NEDD9: variants seen among roughly 807,000 people sequenced by gnomAD.
The protein encoded by NEDD9 is enhancer of filamentation 1.
NEDD9 carries 26 observed loss-of-function variants against 76.6 expected under a neutral mutation model. The observed-to-expected ratio is 0.34, with a 90% confidence interval of 0.25 to 0.47. NEDD9 has a LOEUF of 0.47. NEDD9 is among the 20% of genes least tolerant of loss of function. NEDD9 has a pLI of 1.00. For missense variants in NEDD9, 937 were observed against 1,058.5 expected (o/e 0.89, Z 1.59); for synonymous variants, 392 against 414.2 (o/e 0.95, Z 0.65).
intron 3 of NEDD9, among the ~76,000 whole-genome samples, chr6:11,285,214 T>C (rs1428294678): frequency 6.6e-6 from 1 of 152,218 alleles, no homozygotes; most frequent in Non-Finnish European, 1.5e-5. Context: ...GGGAAATTGA[T>C]CATTTTCCTG....
chr6:11,316,955 G>T lies in NEDD9; in HGVS notation c.-152-10800C>A, dbSNP rs559976256. Among the ~76,000 whole-genome samples, 97 of 152,274 alleles carry T rather than the reference G, an allele frequency of 6.4e-4. 1 individual carries two copies. The highest frequency in any genetic ancestry group is 6.8e-3 in the Middle Eastern group (2 of 294). On this transcript the variant is annotated intron_variant, in intron 2 of 3. Transcript: ENST00000397378. Reference sequence around the variant, plus strand: ...CGGGGGAAATGGTGAATTTGAATGCGGCATGTTAAGTTCCAGTTTCATGTG... The same window carrying T: ...CGGGGGAAATGGTGAATTTGAATGCTGCATGTTAAGTTCCAGTTTCATGTG...
intron 1 of NEDD9, among the ~76,000 whole-genome samples, chr6:11,347,389 TGAG>T (rs1762382682): frequency 6.6e-6 from 1 of 152,068 alleles, no homozygotes; most frequent in Non-Finnish European, 1.5e-5. Flanking sequence ...TCCCAAAAAT[TGAG>T]GAGGAGGGAC....
intron 3 of NEDD9, among the ~76,000 whole-genome samples, chr6:11,256,574 C>T (rs1347573802): frequency 6.6e-6 from 1 of 152,184 alleles, no homozygotes; most frequent in Non-Finnish European, 1.5e-5. Context: ...GATCCTCCCA[C>T]CTCAGCCTCC....
intron 2 of NEDD9, among the ~76,000 whole-genome samples, chr6:11,204,231 C>A (rs917595065): frequency 6.6e-6 from 1 of 152,206 alleles, no homozygotes; most frequent in East Asian, 1.9e-4. Flanking sequence ...CAATGCCCTG[C>A]GGCCTACGCT....
chr6:11,240,048 A>G (rs1167593378), intron 3 of NEDD9, among the ~76,000 whole-genome samples: 1 of 151,496 alleles, frequency 6.6e-6, no homozygotes, highest in African/African-American at 2.4e-5. Flanking sequence ...ATCTCAAAAA[A>G]AAAAAAAAAA....
At position 11,260,057 on chromosome 6, in the gene NEDD9, C is replaced by T. The variant is rs114752238; in HGVS notation, c.12+45935G>A. On this transcript the variant is annotated intron_variant, in intron 3 of 3. Transcript: ENST00000397378. ...AGGGATTCATTCACTTGGCTTATAG[C>T]ATATAGCCTTTCTTTTAAAATACAA... Among the ~76,000 whole-genome samples, 363 of 152,164 alleles carry T rather than the reference C, an allele frequency of 2.4e-3. 1 individual carries two copies. Among genetic ancestry groups the T allele is most frequent in the Non-Finnish European group, 3.6e-3 (244 of 68,008 alleles).
chr6:11,193,002 A>G (rs1409822200), intron 3 of NEDD9, among the ~76,000 whole-genome samples: 1 of 142,550 alleles, frequency 7.0e-6, no homozygotes, highest in Non-Finnish European at 1.5e-5. Flanking sequence ...TTTAAAGTGT[A>G]GTTTAAATTT....
chr6:11,217,527 A>T (rs1758991263), intron 1 of NEDD9, among the ~76,000 whole-genome samples: 1 of 152,254 alleles, frequency 6.6e-6, no homozygotes, highest in South Asian at 2.1e-4. Context: ...GCTGGCAGTT[A>T]GCAGTGCAGC....
chr6:11,259,600 T>C (rs1040132003), intron 3 of NEDD9, among the ~76,000 whole-genome samples: 1 of 152,208 alleles, frequency 6.6e-6, no homozygotes, highest in East Asian at 1.9e-4. Flanking sequence ...ATTTTGTTTG[T>C]ATGCTCTCAA....
intron 1 of NEDD9, among the ~76,000 whole-genome samples, chr6:11,230,634 G>T (rs1442328367): frequency 6.7e-6 from 1 of 148,556 alleles, no homozygotes; most frequent in Non-Finnish European, 1.5e-5. Context: ...TTCAGCTATT[G>T]GTTGATTTAA....
At chr6:11,317,939 C>T (rs1169807546) in intron 2 of NEDD9, among the ~76,000 whole-genome samples, 1 of 152,174 alleles carries the variant, frequency 6.6e-6, no homozygotes, top group Non-Finnish European at 1.5e-5. Context: ...GGGCCTTGTT[C>T]AATCAGTTGA....
chr6:11,204,746 G>C (rs1343335458), intron 2 of NEDD9, among the ~76,000 whole-genome samples: 1 of 136,620 alleles, frequency 7.3e-6, no homozygotes, highest in Admixed American at 7.3e-5. Flanking sequence ...AAGAAAGAAA[G>C]AAAGAAAAGA....
intron 3 of NEDD9, among the ~76,000 whole-genome samples, chr6:11,257,886 A>G (rs761354674): frequency 1.3e-5 from 2 of 151,198 alleles, no homozygotes; most frequent in Non-Finnish European, 1.5e-5. Context: ...TTTGTCCCCT[A>G]CTCATAAGCA....
rs146784681 is a variant in NEDD9 at position 11,248,273 on chromosome 6, T to C, written c.13-34546A>G. On this transcript the variant is annotated intron_variant, in intron 3 of 3. Transcript: ENST00000397378. ...GAAAGCCTTTACCATGTAGAAGTCA[T>C]GTGCCAGATACAGCTAAGTGCGCCA... is the stretch of plus-strand genomic sequence containing the variant. Among the ~76,000 whole-genome samples, 724 of 151,792 alleles carry C rather than the reference T, an allele frequency of 4.8e-3. 2 individuals carry two copies. Among genetic ancestry groups the C allele is most frequent in the African/African-American group, 0.016 (665 of 41,416 alleles).
chr6:11,377,557 A>G (rs1189271367), intron 1 of NEDD9, among the ~76,000 whole-genome samples: 1 of 152,194 alleles, frequency 6.6e-6, no homozygotes, highest in Non-Finnish European at 1.5e-5. Context: ...CCCTTTTGGA[A>G]TGGTAATGTT....
At chr6:11,345,711 T>C (rs1258299195) in intron 1 of NEDD9, among the ~76,000 whole-genome samples, 1 of 152,172 alleles carries the variant, frequency 6.6e-6, no homozygotes, top group African/African-American at 2.4e-5. Flanking sequence ...TCATCAACAC[T>C]GGTAGAGGAC....
At chr6:11,325,061 C>T (rs757548002) in intron 2 of NEDD9, among the ~76,000 whole-genome samples, 4 of 152,226 alleles carry the variant, frequency 2.6e-5, no homozygotes, top group Admixed American at 1.3e-4. Context: ...ATTGATAGAA[C>T]GTGCATGTAT....
intron 2 of NEDD9, among the ~76,000 whole-genome samples, chr6:11,310,448 C>G (rs1210776188): frequency 6.6e-6 from 1 of 152,082 alleles, no homozygotes; most frequent in African/African-American, 2.4e-5. Flanking sequence ...CAACTGTTTA[C>G]TTACTCTGCA....
At chr6:11,199,068 G>C (rs1234108983) in intron 2 of NEDD9, 1 of 152,180 alleles carries the variant, frequency 6.6e-6, no homozygotes, top group Admixed American at 6.5e-5. Context: ...GAACACCTGG[G>C]TTCTTCTTAA....
Sources: allele counts gnomAD v4.1 joint callset (sites outside exome capture counted in the v4.1 genomes callset), GRCh38; gene constraint gnomAD v4.1.1; transcripts MANE v1.5; gene names NCBI Gene and HGNC (gene_info 2026-07-23, HGNC 2026-07-21).